The following CYP2A6 variants were observed in gnomAD, a reference collection of about 807,000 sequenced individuals.
CYP2A6 encodes the protein cytochrome P450 family 2 subfamily A member 6, also known as cytochrome P450 2A6.
In CYP2A6, 27 loss-of-function variants were observed where a neutral mutation model predicts 42.3. That is an observed-to-expected ratio of 0.64 (90% CI 0.47 to 0.88). CYP2A6 has a LOEUF of 0.88. CYP2A6 is among the 40% of genes least tolerant of loss of function. CYP2A6 has a pLI of 0.00. For synonymous variants in CYP2A6, 238 were observed against 246.3 expected, an observed-to-expected ratio of 0.97 and a Z score of 0.31; for missense variants, 628 against 646.0, an observed-to-expected ratio of 0.97 and a Z score of 0.30.
At chr19:40,847,886 CAGA>C (rs1967127664) in intron 4 of CYP2A6, among the ~76,000 whole-genome samples, 1 of 151,684 alleles carries the variant, frequency 6.6e-6, no homozygotes, top group Admixed American at 6.5e-5. Flanking sequence ...TTAAAATATT[CAGA>C]AGAACTGGGT....
At chr19:40,848,994 GAGAGAGAGAGAGAGAGAA>G (rs1967160962) in intron 2 of CYP2A6, among the ~76,000 whole-genome samples, 1 of 111,080 alleles carries the variant, frequency 9.0e-6, no homozygotes, top group African/African-American at 3.9e-5. Context: ...AGAGGAGAGA[GAGAGAGAGAGAGAGAGAA>G]GAGAGAGAGG....
Position 40,845,627 on chromosome 19 carries a change from C to T in CYP2A6, c.974-146G>A, listed in dbSNP as rs1449981984. ...CATAACAGAACAGACATCAGCCATT[C>T]GCATTGTTGGAGTAGGATCCTGTTA... On this transcript the variant is annotated intron_variant, in intron 6 of 8. Transcript: ENST00000301141. 8.7e-6 allele frequency: 12 copies of T among 1,373,650 alleles called. No homozygotes were observed. The East Asian group carries it at 1.3e-4, about 15-fold the overall frequency. The allele number at this position is 1,373,650 out of a possible 1,614,324, so 85.1% of individuals were successfully genotyped here. A position where few individuals can be genotyped will look rare whatever the true frequency, so the allele number is the denominator to read the frequency against.
chr19:40,846,094 C>G lies in CYP2A6; in HGVS notation c.835G>C (p.Glu279Gln), dbSNP rs58261757. ...TAGAACTCCGTGTTGGGGTTCTTCT[C>G]CTCCTGCAGGGAGAGGGGGCTTTAG... ...DSFLIRMQEE[E>Q]KNPNTEFYLK... Residue 279 changes from glutamate (E) to glutamine (Q), a missense_variant, in exon 6 of 9, where the codon GAG (glutamate) becomes CAG (glutamine). Physicochemically the swap from Glu to Gln is conservative, Grantham distance 29. Transcript: ENST00000301141. 14 of 1,611,490 alleles carry G rather than the reference C, an allele frequency of 8.7e-6. No homozygotes were observed. The highest frequency in any genetic ancestry group is 1.2e-5 in the Non-Finnish European group (14 of 1,179,818).
rs1967146952 is a variant in CYP2A6, at chr19:40,848,740, G to C, written c.367C>G (p.Arg123Gly). ...GYGVVFSNGERAKQLRRFSIA... is the reference protein window; with the variant it reads ...GYGVVFSNGEGAKQLRRFSIA... The stretch of plus-strand genomic sequence containing the variant: ...GAGAAGCGCCGGAGCTGCTTGGCGC[G>C]CTCCCCGTTGCTGAATACCACGCCT... The change falls in exon 3 of 9, where the codon CGC becomes GGC. Residue 123 changes from arginine (R) to glycine (G), a missense_variant. Physicochemically the swap from Arg to Gly is moderately radical, Grantham distance 125. This residue lies in a region of CYP2A6 where 606 missense variants were observed against 568.1 expected (regional missense o/e 1.07). Transcript: ENST00000301141. The C allele has an allele frequency of 2.5e-6, 4 of 1,611,470 alleles. No homozygotes were observed. Among genetic ancestry groups the C allele is most frequent in the African/African-American group, 1.3e-5 (1 of 74,668 alleles).
intron 2 of CYP2A6, 64 bp downstream of exon 2, chr19:40,849,754 G>T: frequency 6.3e-7 from 1 of 1,599,738 alleles, no homozygotes. Flanking sequence ...TCAGGGAGAA[G>T]GCTGGGAACA....
At position 40,850,320 on chromosome 19, in the gene CYP2A6, C is replaced by T; in HGVS notation, c.107G>A (p.Gly36Glu). The T allele has an allele frequency of 6.2e-7, 1 of 1,610,038 alleles. No individual in the cohort carries two copies. The highest frequency in any genetic ancestry group is 8.5e-7 in the Non-Finnish European group (1 of 1,178,840). ...QRKSKGKLPP[G>E]PTPLPFIGNY... The stretch of plus-strand genomic sequence containing the variant: ...TCCAATGAAGGGCAATGGGGTGGGT[C>T]CCGGAGGCAGCTTCCCCTTGCTCTT... The change falls in exon 1 of 9, where the codon GGA becomes GAA. Residue 36 changes from glycine to glutamate, a missense_variant. Physicochemically the swap from Gly to Glu is moderately conservative, Grantham distance 98. This residue lies in a region of CYP2A6 where 606 missense variants were observed against 568.1 expected (regional missense o/e 1.07). Transcript: ENST00000301141.
chr19:40,848,818 C>A (rs1222162472), intron 2 of CYP2A6, 55 bp from the exon 3 acceptor site: 2 of 1,560,666 alleles, frequency 1.3e-6, no homozygotes, highest in Non-Finnish European at 1.7e-6. Flanking sequence ...GGGGCAGGAG[C>A]GGAGCAGCTC....
At chr19:40,844,524 A>C (rs1019911722) in intron 8 of CYP2A6, 107 bp downstream of exon 8, 11 of 1,590,280 alleles carry the variant, frequency 6.9e-6, no homozygotes, top group Non-Finnish European at 7.7e-6. Flanking sequence ...TCTAACAGGA[A>C]CTTCCAAGCT....
chr19:40,849,030 GA>G (rs1368898474), intron 2 of CYP2A6, among the ~76,000 whole-genome samples: 3 of 42,510 alleles, frequency 7.1e-5, no homozygotes, highest in Non-Finnish European at 1.1e-4. Context: ...AGGAGAGAGA[GA>G]GAGAAGAGAG....
At position 40,848,392 on chromosome 19, in the gene CYP2A6, C is replaced by G. The variant is rs554520787; in HGVS notation, c.494-13G>C. On this transcript the variant is annotated splice_polypyrimidine_tract_variant and intron_variant, in intron 3 of 8. Transcript: ENST00000301141. ...TCGATATTGGCGCCTGCGGGTATGGCGGGAGAAGGGGGTTGGGGAGAGAGT... is the reference window on the plus strand; with the variant it reads ...TCGATATTGGCGCCTGCGGGTATGGGGGGAGAAGGGGGTTGGGGAGAGAGT... 1 of 1,598,328 alleles carries G rather than the reference C, an allele frequency of 6.3e-7. No homozygotes were observed. Among genetic ancestry groups the G allele is most frequent in the East Asian group, 2.4e-5 (1 of 41,894 alleles).
rs757428419 is a variant in CYP2A6 at position 40,845,383 on chromosome 19, C to T, written c.1072G>A (p.Glu358Lys). ...KMPYMEAVIH[E>K]IQRFGDVIPM... ...ATCACGTCTCCAAATCTTTGGATCT[C>T]GTGGATCACTGCCTCCATGTAGGGC... Residue 358 changes from glutamate (E) to lysine (K), a missense_variant, in exon 7 of 9, where the codon GAG (glutamate) becomes AAG (lysine). This residue lies in a region of CYP2A6 where 606 missense variants were observed against 568.1 expected (regional missense o/e 1.07). Coordinates refer to ENST00000301141, the MANE Select transcript of CYP2A6 (RefSeq NM_000762.6). The T allele has an allele frequency of 3.1e-5, 50 of 1,611,630 alleles. No individual in the cohort carries two copies. The highest frequency in any genetic ancestry group is 1.6e-4 in the Middle Eastern group (1 of 6,082).
At position 40,848,628 on chromosome 19, in the gene CYP2A6, A is replaced by T. The variant is rs1801272; in HGVS notation, c.479T>A (p.Leu160His). 38,890 of 1,611,470 alleles carry T rather than the reference A, an allele frequency of 0.024. 753 individuals carry two copies. The highest frequency in any genetic ancestry group is 0.028 in the Non-Finnish European group (32,614 of 1,179,692). Residue 160 changes from leucine to histidine, a missense_variant, in exon 3 of 9, where the codon CTC becomes CAC. By Grantham distance (99) the Leu-to-His change is moderately conservative. This residue lies in a region of CYP2A6 where 606 missense variants were observed against 568.1 expected (regional missense o/e 1.07). Coordinates refer to ENST00000301141, the MANE Select transcript of CYP2A6 (RefSeq NM_000762.6). ...QEEAGFLIDALRGTGGANIDP... is the reference protein window; with the variant it reads ...QEEAGFLIDAHRGTGGANIDP... ...CCCCTGCTCACCGCCAGTGCCCCGGAGGGCGTCGATGAGGAAGCCCGCCTC... is the reference window on the plus strand; with the variant it reads ...CCCCTGCTCACCGCCAGTGCCCCGGTGGGCGTCGATGAGGAAGCCCGCCTC...
rs1190102073 is a variant in CYP2A6 at position 40,845,030 on chromosome 19, C to T, written c.1162-258G>A. 2.6e-5 allele frequency: 17 copies of T among 647,156 alleles called. 1 individual carries two copies. Among genetic ancestry groups the T allele is most frequent in the East Asian group, 6.1e-5 (2 of 32,816 alleles). The allele number at this position is 647,156 out of a possible 1,614,324, so 40.1% of individuals were successfully genotyped here. ...GATTTCTGTCCCTATGACAAAAGGC[C>T]GAATGGAAAGGGGGCTTCTGTTTCT... On this transcript the variant is annotated intron_variant, in intron 7 of 8. Coordinates refer to ENST00000301141, the MANE Select transcript of CYP2A6 (RefSeq NM_000762.6).
chr19:40,844,525 C>T, intron 8 of CYP2A6, 106 bp downstream of exon 8: 1 of 1,593,814 alleles, frequency 6.3e-7, no homozygotes, highest in Non-Finnish European at 8.6e-7. Flanking sequence ...CTAACAGGAA[C>T]TTCCAAGCTG....
intron 1 of CYP2A6, 89 bp from the exon 2 acceptor site, chr19:40,850,069 G>C (rs1007119077): frequency 7.1e-6 from 11 of 1,560,264 alleles, no homozygotes; most frequent in Middle Eastern, 1.8e-4. Context: ...GGGATGCTTC[G>C]CACCCAGGTT....
rs55930143 is a variant in CYP2A6 at position 40,849,678 on chromosome 19, A to G, written c.343+140T>C. 4,621 of 1,384,536 alleles carry G rather than the reference A, an allele frequency of 3.3e-3. 129 individuals carry two copies. Among genetic ancestry groups the G allele is most frequent in the South Asian group, 0.032 (2,304 of 72,348 alleles). 85.8% of individuals were successfully genotyped at this position (1,384,536 alleles called of 1,614,324 possible). The stretch of plus-strand genomic sequence containing the variant: ...GAGGGATACACATGGAGAGGCCACA[A>G]TGAAGGGAGATGGGGAGGGAAGACC... On this transcript the variant is annotated intron_variant, in intron 2 of 8. Coordinates refer to ENST00000301141, the MANE Select transcript of CYP2A6 (RefSeq NM_000762.6).
At chr19:40,845,563 G>T (rs2083452329) in intron 6 of CYP2A6, 82 bp from the exon 7 acceptor site, 4 of 1,573,842 alleles carry the variant, frequency 2.5e-6, no homozygotes, top group Non-Finnish European at 3.5e-6. Flanking sequence ...AAATGGGGTG[G>T]ATGATATGGC....
rs771319834 is a variant in CYP2A6 at position 40,846,028 on chromosome 19, C to T, written c.901G>A (p.Gly301Arg). 1.2e-6 allele frequency: 2 copies of T among 1,611,540 alleles called. No individual in the cohort carries two copies. The highest frequency in any genetic ancestry group is 1.7e-5 in the Admixed American group (1 of 59,956). ...GTGGTGCTGACGGTCTCGGTGCCCC[C>T]AATGAAGAGGTTCAACGTGGTCATC... ...LVMTTLNLFI[G>R]GTETVSTTLR... is the part of the protein sequence containing the mutation. Residue 301 changes from glycine (G) to arginine (R), a missense_variant, in exon 6 of 9, where the codon GGG becomes AGG. By Grantham distance (125) the Gly-to-Arg change is moderately radical. This residue lies in a region of CYP2A6 where 606 missense variants were observed against 568.1 expected (regional missense o/e 1.07). Coordinates refer to ENST00000301141, the MANE Select transcript of CYP2A6 (RefSeq NM_000762.6).
chr19:40,848,588 C>A, intron 3 of CYP2A6, 26 bp downstream of exon 3: 6 of 1,607,042 alleles, frequency 3.7e-6, no homozygotes, highest in Non-Finnish European at 5.1e-6. Context: ...CTTCTCCTGC[C>A]CCCGCACTCG....
Sources: allele counts gnomAD v4.1 joint callset (sites outside exome capture counted in the v4.1 genomes callset), GRCh38; gene constraint gnomAD v4.1.1; regional missense constraint gnomAD v4.1.1; transcripts MANE v1.5; gene names NCBI Gene and HGNC (gene_info 2026-07-23, HGNC 2026-07-21).